Variants in ARID1B observed in about 807,000 individuals in gnomAD.
ARID1B encodes the protein AT-rich interaction domain 1B, also known as AT-rich interactive domain-containing protein 1B.
In ARID1B, 30 loss-of-function variants were observed where a neutral mutation model predicts 212.3. The ratio of observed to expected loss-of-function variants is 0.14; its 90% confidence interval spans 0.11 to 0.19. The LOEUF is 0.19. Among genes scored for constraint, ARID1B ranks in the 10% least tolerant of loss-of-function variants. The pLI is 1.00. For missense variants in ARID1B, 2,891 were observed against 3,204.0 expected, an observed-to-expected ratio of 0.90 and a Z score of 2.36; for synonymous variants, 1,402 against 1,301.7, an observed-to-expected ratio of 1.08 and a Z score of -1.66.
intron 4 of ARID1B, among the ~76,000 whole-genome samples, chr6:157,074,211 T>A (rs932265626): frequency 1.3e-5 from 2 of 152,118 alleles, no homozygotes; most frequent in Non-Finnish European, 2.9e-5. Flanking sequence ...ATTTTCAGAT[T>A]GTTTTTTGTT....
chr6:157,070,240 A>G (rs1294148004), intron 4 of ARID1B, among the ~76,000 whole-genome samples: 4 of 151,964 alleles, frequency 2.6e-5, no homozygotes, highest in Admixed American at 2.6e-4. Context: ...GAAAGATAAA[A>G]TATATTTCTC....
At chr6:156,907,125 C>G (rs966926964) in intron 3 of ARID1B, among the ~76,000 whole-genome samples, 3 of 152,190 alleles carry the variant, frequency 2.0e-5, no homozygotes, top group African/African-American at 7.2e-5. Flanking sequence ...TGTATGCATT[C>G]TTTGAAACGG....
At chr6:157,118,366 T>C (rs1787471911) in intron 6 of ARID1B, among the ~76,000 whole-genome samples, 1 of 152,218 alleles carries the variant, frequency 6.6e-6, no homozygotes, top group Admixed American at 6.5e-5. Flanking sequence ...TCAGAAAATA[T>C]TCTCTTAATC....
intron 3 of ARID1B, among the ~76,000 whole-genome samples, chr6:156,906,388 A>G (rs1789377615): frequency 6.6e-6 from 1 of 151,590 alleles, no homozygotes; most frequent in East Asian, 1.9e-4. Context: ...TCTCTACTAA[A>G]AATACAAAAT....
At chr6:157,098,543 A>G (rs1343086133) in intron 5 of ARID1B, among the ~76,000 whole-genome samples, 1 of 152,242 alleles carries the variant, frequency 6.6e-6, no homozygotes, top group Non-Finnish European at 1.5e-5. Flanking sequence ...TCAGGACATC[A>G]TGGACTTTCA....
At chr6:156,852,305 C>T (rs1359314288) in intron 2 of ARID1B, among the ~76,000 whole-genome samples, 1 of 151,822 alleles carries the variant, frequency 6.6e-6, no homozygotes. Flanking sequence ...TTAAAATTAG[C>T]AGGGCGTGGT....
chr6:156,779,604 C>G, intron 1 of ARID1B, 133 bp downstream of exon 1: 5 of 977,414 alleles, frequency 5.1e-6, no homozygotes, highest in Non-Finnish European at 6.4e-6. Context: ...CCAAAGCCAT[C>G]TTGACGGGCG....
intron 4 of ARID1B, among the ~76,000 whole-genome samples, chr6:157,007,851 A>AT (rs569145922): frequency 1.3e-3 from 192 of 149,630 alleles, no homozygotes; most frequent in African/African-American, 4.5e-3. Context: ...AATTTTGTGT[A>AT]TTTTTTAGTA....
In ARID1B at chr6:156,779,465, A is replaced by C; in HGVS notation, c.1785A>C (p.Arg595Ser). The change falls in exon 1 of 20, where the codon AGA becomes AGC. Residue 595 changes from arginine to serine, a missense_variant. Physicochemically the swap from Arg to Ser is moderately radical, Grantham distance 110. This residue lies in a region of ARID1B where 1,643 missense variants were observed against 1,544.0 expected (regional missense o/e 1.06). Coordinates refer to ENST00000636930, the MANE Select transcript of ARID1B (RefSeq NM_001374828.1). ...SPGTPGPTMGRSQGSPMDPMV... is the reference protein window; with the variant it reads ...SPGTPGPTMGSSQGSPMDPMV... ...GCACCCCCGGACCGACCATGGGCAG[A>C]TCCCAGGTAACCCTCGCGCCAGCCG... 3 of 1,410,462 alleles carry C rather than the reference A, an allele frequency of 2.1e-6. No homozygotes were observed. The highest frequency in any genetic ancestry group is 2.8e-6 in the Non-Finnish European group (3 of 1,076,126). 87.4% of individuals were successfully genotyped at this position (1,410,462 alleles called of 1,614,324 possible).
chr6:157,075,104 A>G (rs529998128), intron 4 of ARID1B, among the ~76,000 whole-genome samples: 17 of 152,286 alleles, frequency 1.1e-4, no homozygotes, highest in Non-Finnish European at 2.1e-4. Flanking sequence ...GTAAAATTGC[A>G]CTTGAGTGCT....
At chr6:157,050,654 T>A (rs1782539842) in intron 4 of ARID1B, among the ~76,000 whole-genome samples, 1 of 152,234 alleles carries the variant, frequency 6.6e-6, no homozygotes, top group Non-Finnish European at 1.5e-5. Context: ...AGGGCTTCAA[T>A]TTTGGTAGTA....
At chr6:157,048,147 T>C (rs2128548199) in intron 4 of ARID1B, among the ~76,000 whole-genome samples, 1 of 152,336 alleles carries the variant, frequency 6.6e-6, no homozygotes, top group South Asian at 2.1e-4. Flanking sequence ...TGTCAATTTT[T>C]GCAAGTCAGT....
At chr6:157,118,916 T>C (rs762453220) in intron 6 of ARID1B, among the ~76,000 whole-genome samples, 16 of 152,270 alleles carry the variant, frequency 1.1e-4, no homozygotes, top group Non-Finnish European at 2.1e-4. Context: ...AAGTGGGCTT[T>C]TAATACTTAA....
chr6:157,097,914 G>A (rs1056973365), intron 5 of ARID1B, among the ~76,000 whole-genome samples: 1 of 152,138 alleles, frequency 6.6e-6, no homozygotes, highest in Non-Finnish European at 1.5e-5. Context: ...AAGAACGGGT[G>A]GGGGAAACGA....
intron 4 of ARID1B, among the ~76,000 whole-genome samples, chr6:157,075,929 G>A (rs754314955): frequency 1.3e-5 from 2 of 152,194 alleles, no homozygotes; most frequent in Non-Finnish European, 2.9e-5. Flanking sequence ...CATGGATGGT[G>A]GGTTGGGTCC....
At chr6:157,183,365 C>T (rs1466732986) in intron 12 of ARID1B, among the ~76,000 whole-genome samples, 1 of 152,078 alleles carries the variant, frequency 6.6e-6, no homozygotes, top group Non-Finnish European at 1.5e-5. Flanking sequence ...AAAGTTTGAA[C>T]CCAGAAATTT....
chr6:157,167,228 C>T (rs1483136109), intron 9 of ARID1B, 43 bp downstream of exon 9: 3 of 1,580,432 alleles, frequency 1.9e-6, no homozygotes, highest in African/African-American at 1.3e-5. Context: ...TCTCTCTCCC[C>T]TCTCCTCCTC....
At position 157,101,008 on chromosome 6, in the gene ARID1B, G is replaced by A. The variant is rs77610973; in HGVS notation, c.2492-9464G>A. Reference sequence around the variant, plus strand: ...AGTCAGATGGTGGCAGGTGAGACCCGTATTCTACTTTAAAGATTTGAAAGA... The same window carrying A: ...AGTCAGATGGTGGCAGGTGAGACCCATATTCTACTTTAAAGATTTGAAAGA... On this transcript the variant is annotated intron_variant, in intron 5 of 19. Transcript: ENST00000636930. 7.1e-3 allele frequency among the ~76,000 whole-genome samples: 1,078 copies of A among 152,256 alleles called. 29 individuals carry two copies. The East Asian group carries it at 0.089, about 13-fold the overall frequency.
At chr6:157,043,819 T>C (rs1267888051) in intron 4 of ARID1B, among the ~76,000 whole-genome samples, 1 of 152,184 alleles carries the variant, frequency 6.6e-6, no homozygotes, top group Non-Finnish European at 1.5e-5. Flanking sequence ...AGCTATTGAG[T>C]GGGTATGGCT....
Sources: gnomAD v4.1 joint callset for allele counts (sites outside exome capture counted in the v4.1 genomes callset) on GRCh38, gnomAD v4.1.1 for gene constraint, gnomAD v4.1.1 regional missense constraint, MANE v1.5 for transcripts, NCBI Gene and HGNC (gene_info 2026-07-23, HGNC 2026-07-21) for gene names.